The following CEP128 variants were observed in gnomAD, a reference collection of about 807,000 sequenced individuals.
The protein encoded by CEP128 is centrosomal protein 128kDa.
A neutral mutation model predicts 156.7 loss-of-function variants in CEP128; 132 were observed. The observed-to-expected ratio is 0.84, with a 90% CI of 0.73 to 0.97. The LOEUF (loss-of-function observed/expected upper bound fraction) is 0.97, where lower values mean the gene tolerates loss of function less well. CEP128 is among the 50% of genes least tolerant of loss of function. The pLI, the probability that CEP128 is intolerant of heterozygous loss-of-function variation, is 0.00. For missense variants in CEP128, 1,252 were observed against 1,281.9 expected (o/e 0.98, Z 0.36); for synonymous variants, 469 against 448.9 (o/e 1.04, Z -0.57).
Position 80,504,962 on chromosome 14 carries a change from C to A in CEP128, c.3131G>T (p.Trp1044Leu). The A allele has an allele frequency of 6.2e-7, 1 of 1,606,048 alleles. No individual in the cohort carries two copies. The highest frequency in any genetic ancestry group is 1.1e-5 in the South Asian group (1 of 89,384). ...HTRGLDHSSS[W>L]QDHSRFLSSP... ...AGACAGGAAGCGACTGTGATCCTGC[C>A]AAGAGGATGAGTGATCTAACCCACG... Residue 1044 changes from tryptophan to leucine, a missense_variant, in exon 24 of 25, where the codon TGG becomes TTG. Trp to Leu is a moderately conservative substitution (Grantham distance 61). Transcript: ENST00000555265.
intron 19 of CEP128, among the ~76,000 whole-genome samples, chr14:80,627,629 A>G (rs534938978): frequency 6.6e-6 from 1 of 152,310 alleles, no homozygotes; most frequent in East Asian, 1.9e-4. Context: ...TACATAAGAG[A>G]AATATTTAGA....
At chr14:80,880,904 TAATA>T (rs1566689668) in intron 8 of CEP128, among the ~76,000 whole-genome samples, 67 of 107,446 alleles carry the variant, frequency 6.2e-4, no homozygotes, top group Admixed American at 1.1e-3. Flanking sequence ...ATAATAATAA[TAATA>T]ATTTCAGTAA....
At chr14:80,767,769 G>C (rs1410622999) in intron 16 of CEP128, among the ~76,000 whole-genome samples, 1 of 152,080 alleles carries the variant, frequency 6.6e-6, no homozygotes, top group Non-Finnish European at 1.5e-5. Flanking sequence ...AAACAATAGA[G>C]CTAATAGAAA....
chr14:80,787,143 A>C (rs1285313901), intron 14 of CEP128, among the ~76,000 whole-genome samples: 1 of 152,238 alleles, frequency 6.6e-6, no homozygotes, highest in Admixed American at 6.5e-5. Context: ...CAATAGGTTG[A>C]AAGGCCAAGC....
intron 9 of CEP128, among the ~76,000 whole-genome samples, chr14:80,860,577 A>G (rs1204626002): frequency 6.6e-6 from 1 of 152,068 alleles, no homozygotes; most frequent in East Asian, 1.9e-4. Context: ...TCTTATGCTC[A>G]CCAGATATAA....
intron 8 of CEP128, among the ~76,000 whole-genome samples, chr14:80,872,648 A>C (rs1888084765): frequency 6.6e-6 from 1 of 152,208 alleles, no homozygotes; most frequent in African/African-American, 2.4e-5. Flanking sequence ...GTGAAGGTGC[A>C]TCATTTTGGT....
chr14:80,552,170 A>G (rs948923120), intron 21 of CEP128, among the ~76,000 whole-genome samples: 1 of 152,092 alleles, frequency 6.6e-6, no homozygotes, highest in Non-Finnish European at 1.5e-5. Flanking sequence ...TTAGCTGGGC[A>G]TGGTGGTGGG....
chr14:80,752,445 T>C (rs915304625), intron 18 of CEP128, among the ~76,000 whole-genome samples: 4 of 152,360 alleles, frequency 2.6e-5, no homozygotes, highest in East Asian at 1.9e-4. Context: ...GCAATACATA[T>C]ACTTTTGCTC....
intron 13 of CEP128, among the ~76,000 whole-genome samples, chr14:80,825,122 G>C (rs1472292227): frequency 1.3e-5 from 2 of 152,108 alleles, no homozygotes; most frequent in Non-Finnish European, 2.9e-5. Context: ...AACAGTACAG[G>C]AAAGACCTGC....
At chr14:80,548,824 C>T (rs1005536131) in intron 21 of CEP128, among the ~76,000 whole-genome samples, 1 of 152,150 alleles carries the variant, frequency 6.6e-6, no homozygotes, top group African/African-American at 2.4e-5. Flanking sequence ...GGTGAAGCTG[C>T]ATTCATTATG....
intron 19 of CEP128, among the ~76,000 whole-genome samples, chr14:80,733,957 T>C (rs2590489): frequency 0.63 from 96,116 of 151,990 alleles, 32,682 homozygotes; most frequent in African/African-American, 0.89. Context: ...GCAGTAACAA[T>C]ATTTTTGTTT....
chr14:80,810,323 CAAAAA>C (rs71103883), intron 13 of CEP128, among the ~76,000 whole-genome samples: 89 of 15,202 alleles, frequency 5.9e-3, no homozygotes, highest in African/African-American at 0.015. Context: ...ACTCCATCTC[CAAAAA>C]AAAAAAAAAA....
intron 19 of CEP128, among the ~76,000 whole-genome samples, chr14:80,690,306 C>T (rs915665036): frequency 1.3e-5 from 2 of 149,454 alleles, no homozygotes; most frequent in East Asian, 3.9e-4. Context: ...ATCTCAGCTA[C>T]TCAGGAGGCA....
chr14:80,515,043 C>T (rs1888426536), intron 23 of CEP128, among the ~76,000 whole-genome samples: 2 of 152,190 alleles, frequency 1.3e-5, no homozygotes, highest in Non-Finnish European at 2.9e-5. Context: ...GGTTACCAGG[C>T]GGAATCTCTT....
rs1301257507 is a variant in CEP128 at position 80,742,953 on chromosome 14, A to T, written c.2806+122T>A. ...AGAAAGATAAGAAGACAAAGACAAG[A>T]AAAGGAGATGGGCTTGGAAATAGTC... On this transcript the variant is annotated intron_variant, in intron 19 of 24. Coordinates refer to ENST00000555265, the MANE Select transcript of CEP128 (RefSeq NM_152446.5). 6.2e-6 allele frequency: 5 copies of T among 801,420 alleles called. No individual in the cohort carries two copies. The East Asian group carries it at 1.0e-4, about 16-fold the overall frequency. 49.6% of individuals were successfully genotyped at this position (801,420 alleles called of 1,614,324 possible).
In CEP128 at chr14:80,694,964, T is replaced by C. The variant is rs564818269; in HGVS notation, c.2806+48111A>G. Among the ~76,000 whole-genome samples, 31 of 151,736 alleles carry C rather than the reference T, an allele frequency of 2.0e-4. 2 individuals carry two copies. The South Asian group carries it at 6.1e-3, about 30-fold the overall frequency. ...TTTCCTTAAAACAAGAGATTTAGGT[T>C]CCATGATTTCTGCACATTAACCATA... On this transcript the variant is annotated intron_variant, in intron 19 of 24. Transcript: ENST00000555265.
chr14:80,690,058 TA>T (rs1197039540), intron 19 of CEP128, among the ~76,000 whole-genome samples: 3 of 151,946 alleles, frequency 2.0e-5, no homozygotes, highest in African/African-American at 7.2e-5. Flanking sequence ...TTCCACTTGC[TA>T]TTGTGTTAGG....
intron 20 of CEP128, among the ~76,000 whole-genome samples, chr14:80,568,284 G>T (rs1029542408): frequency 6.6e-6 from 1 of 152,114 alleles, no homozygotes; most frequent in East Asian, 1.9e-4. Flanking sequence ...CTCCCACGCC[G>T]TGTTCTCCTG....
rs533989224 is a variant in CEP128 at position 80,547,425 on chromosome 14, A to C, written c.2880+11854T>G. Among the ~76,000 whole-genome samples, 23 of 152,334 alleles carry C rather than the reference A, an allele frequency of 1.5e-4. No individual in the cohort carries two copies. In the South Asian group the frequency reaches 4.6e-3, roughly 30 times the overall value. ...ACCAGTCACAAGTGAAGGATGTGGA[A>C]TAGAAAGAATGCTGTGTTGCTAATC... On this transcript the variant is annotated intron_variant, in intron 21 of 24. Transcript: ENST00000555265.
Sources: allele counts gnomAD v4.1 joint callset (sites outside exome capture counted in the v4.1 genomes callset), GRCh38; gene constraint gnomAD v4.1.1; transcripts MANE v1.5; gene names NCBI Gene and HGNC (gene_info 2026-07-23, HGNC 2026-07-21).